The following CCDC148 variants were observed in gnomAD, a reference collection of about 807,000 sequenced individuals.
CCDC148 encodes the protein coiled-coil domain containing 148.
CCDC148 carries 89 observed loss-of-function variants against 85.7 expected under a neutral mutation model. The ratio of observed to expected loss-of-function variants is 1.04; its 90% CI spans 0.87 to 1.24. The LOEUF (loss-of-function observed/expected upper bound fraction) is 1.24, where lower values mean the gene tolerates loss of function less well. Among genes scored for constraint, CCDC148 ranks in the 50% most tolerant of loss-of-function variants. The pLI, the probability that CCDC148 is intolerant of heterozygous loss-of-function variation, is 0.00. For missense variants in CCDC148, 692 were observed against 671.7 expected (o/e 1.03, Z -0.33); for synonymous variants, 230 against 213.9 (o/e 1.08, Z -0.66).
intron 8 of CCDC148, among the ~76,000 whole-genome samples, chr2:158,311,825 T>G (rs1692031972): frequency 6.6e-6 from 1 of 152,208 alleles, no homozygotes; most frequent in South Asian, 2.1e-4. Flanking sequence ...CTTCCCATGC[T>G]ATGCTCATGA....
chr2:158,253,467 A>G (rs1688881928), intron 9 of CCDC148, among the ~76,000 whole-genome samples: 1 of 151,594 alleles, frequency 6.6e-6, no homozygotes, highest in African/African-American at 2.4e-5. Flanking sequence ...TCCTTGAAAC[A>G]TTCTACTGCC....
chr2:158,295,639 A>G (rs375540120), intron 9 of CCDC148, among the ~76,000 whole-genome samples: 9,609 of 136,842 alleles, frequency 0.07, 490 homozygotes, highest in Middle Eastern at 0.12. Flanking sequence ...CATTATCTCA[A>G]TAGATGCAGA....
intron 11 of CCDC148, among the ~76,000 whole-genome samples, chr2:158,214,121 TAAA>T (rs70990697): frequency 0.024 from 2,357 of 96,640 alleles, 32 homozygotes; most frequent in African/African-American, 0.035. Context: ...AACATTGTGG[TAAA>T]AAAAAAAAAA....
intron 2 of CCDC148, among the ~76,000 whole-genome samples, chr2:158,346,407 A>C (rs1682995879): frequency 6.6e-6 from 1 of 152,210 alleles, no homozygotes; most frequent in Admixed American, 6.5e-5. Flanking sequence ...ACCTCACCCC[A>C]GGAATTTGGC....
intron 11 of CCDC148, among the ~76,000 whole-genome samples, chr2:158,181,697 A>T (rs1684911268): frequency 1.3e-5 from 2 of 152,156 alleles, no homozygotes; most frequent in South Asian, 4.1e-4. Flanking sequence ...GAAGGCCCAG[A>T]GGTGAGAGTG....
At chr2:158,283,908 A>C (rs1690477312) in intron 9 of CCDC148, among the ~76,000 whole-genome samples, 2 of 151,978 alleles carry the variant, frequency 1.3e-5, no homozygotes, top group Non-Finnish European at 2.9e-5. Flanking sequence ...TGGATTAAGA[A>C]AATGTGGCAC....
intron 2 of CCDC148, among the ~76,000 whole-genome samples, chr2:158,350,711 G>A (rs529547478): frequency 6.6e-6 from 1 of 152,104 alleles, no homozygotes; most frequent in Admixed American, 6.5e-5. Flanking sequence ...TGGAGTACTT[G>A]TCACTCCTGT....
intron 1 of CCDC148, among the ~76,000 whole-genome samples, chr2:158,371,370 T>A (rs1684434038): frequency 6.6e-6 from 1 of 152,030 alleles, no homozygotes; most frequent in Non-Finnish European, 1.5e-5. Context: ...TTTAAACTAT[T>A]CTTTAGTTAC....
At chr2:158,435,097 C>T (rs537540730) in intron 1 of CCDC148, among the ~76,000 whole-genome samples, 234 of 152,200 alleles carry the variant, frequency 1.5e-3, no homozygotes, top group African/African-American at 5.3e-3. Flanking sequence ...GCAAGGCAGG[C>T]CAACATTCAA....
intron 1 of CCDC148, among the ~76,000 whole-genome samples, chr2:158,439,735 T>G (rs1687850033): frequency 1.3e-5 from 2 of 152,126 alleles, no homozygotes; most frequent in South Asian, 4.1e-4. Flanking sequence ...TGCTTCACAA[T>G]AGAAGATATA....
chr2:158,286,325 T>C (rs1690622099), intron 9 of CCDC148, among the ~76,000 whole-genome samples: 1 of 152,152 alleles, frequency 6.6e-6, no homozygotes, highest in South Asian at 2.1e-4. Context: ...TTTTACTTTC[T>C]TAATGAAAAA....
intron 7 of CCDC148, among the ~76,000 whole-genome samples, chr2:158,321,322 A>C (rs977720418): frequency 1.3e-5 from 2 of 152,176 alleles, no homozygotes; most frequent in Admixed American, 6.5e-5. Flanking sequence ...GTTGGACAAG[A>C]GAAAATGGGA....
chr2:158,194,202 C>T (rs2105275815), intron 11 of CCDC148, among the ~76,000 whole-genome samples: 1 of 152,074 alleles, frequency 6.6e-6, no homozygotes, highest in Non-Finnish European at 1.5e-5. Flanking sequence ...AATTTCTACC[C>T]TCCTGTTTCC....
chr2:158,240,448 TCTCTCA>T (rs1424652816), intron 10 of CCDC148, among the ~76,000 whole-genome samples: 116 of 47,792 alleles, frequency 2.4e-3, no homozygotes, highest in African/African-American at 4.1e-3. Flanking sequence ...TCTCTCTCTC[TCTCTCA>T]CACACACACA....
intron 1 of CCDC148, among the ~76,000 whole-genome samples, chr2:158,398,656 A>C (rs1488172898): frequency 6.6e-6 from 1 of 151,542 alleles, no homozygotes; most frequent in Non-Finnish European, 1.5e-5. Flanking sequence ...ATAGCACTAA[A>C]AGCCAAGAGA....
intron 11 of CCDC148, among the ~76,000 whole-genome samples, chr2:158,184,765 C>A (rs1210121244): frequency 2.0e-5 from 3 of 152,122 alleles, no homozygotes; most frequent in Non-Finnish European, 2.9e-5. Context: ...AGAACCAATG[C>A]TACATAGCTT....
intron 1 of CCDC148, among the ~76,000 whole-genome samples, chr2:158,363,159 A>T (rs908050629): frequency 1.3e-5 from 2 of 152,208 alleles, no homozygotes; most frequent in African/African-American, 4.8e-5. Flanking sequence ...AAGTTCTGAA[A>T]TTGAGGCAGT....
chr2:158,266,935 C>T (rs1559029434), intron 9 of CCDC148, among the ~76,000 whole-genome samples: 1 of 149,366 alleles, frequency 6.7e-6, no homozygotes, highest in Non-Finnish European at 1.5e-5. Flanking sequence ...TATATGCACA[C>T]ATATATATGT....
In CCDC148 at chr2:158,310,263, T is replaced by C. The variant is rs550770461; in HGVS notation, c.904-624A>G. ...GGGGTAAGGTTATAGATTAACAGCA[T>C]CCCAAGGCAGAAGAATTTTTCTTAG... On this transcript the variant is annotated intron_variant, in intron 8 of 13. Coordinates refer to ENST00000283233, the MANE Select transcript of CCDC148 (RefSeq NM_138803.4). 4.7e-3 allele frequency among the ~76,000 whole-genome samples: 713 copies of C among 152,252 alleles called. 1 individual carries two copies. Among genetic ancestry groups the C allele is most frequent in the African/African-American group, 0.016 (652 of 41,548 alleles).
Sources: allele counts gnomAD v4.1 joint callset (sites outside exome capture counted in the v4.1 genomes callset), GRCh38; gene constraint gnomAD v4.1.1; transcripts MANE v1.5; gene names NCBI Gene and HGNC (gene_info 2026-07-23, HGNC 2026-07-21).